The following ABCD2 variants were observed in gnomAD, a reference collection of about 807,000 sequenced individuals.
ABCD2 encodes ATP binding cassette subfamily D member 2, also known as ATP-binding cassette sub-family D member 2.
Under a neutral mutation model 70.9 loss-of-function variants are expected in ABCD2, and 36 were observed. The ratio of observed to expected loss-of-function variants is 0.51; its 90% CI spans 0.39 to 0.67. ABCD2 has a LOEUF of 0.67. Among genes scored for constraint, ABCD2 ranks in the 30% least tolerant of loss-of-function variants. The pLI is 0.00. For synonymous variants in ABCD2, 304 were observed against 306.9 expected, an observed-to-expected ratio of 0.99 and a Z score of 0.10; for missense variants, 729 against 890.2, an observed-to-expected ratio of 0.82 and a Z score of 2.30.
intron 9 of ABCD2, among the ~76,000 whole-genome samples, chr12:39,568,037 TTCTC>T (rs1034669937): frequency 1.9e-4 from 29 of 152,022 alleles, no homozygotes; most frequent in Non-Finnish European, 2.8e-4. Flanking sequence ...AACCCCACCT[TTCTC>T]TCTGGCTGCC....
At chr12:39,591,348 T>C (rs1383434686) in intron 6 of ABCD2, among the ~76,000 whole-genome samples, 2 of 152,190 alleles carry the variant, frequency 1.3e-5, no homozygotes, top group Admixed American at 6.5e-5. Context: ...GGATAAGATA[T>C]TTCTAGATTC....
chr12:39,618,215 G>T (rs1942143344), intron 1 of ABCD2, among the ~76,000 whole-genome samples: 1 of 152,012 alleles, frequency 6.6e-6, no homozygotes, highest in Non-Finnish European at 1.5e-5. Context: ...TCTTCTATAA[G>T]AAACCCTGGC....
the ABCD2 span, among the ~76,000 whole-genome samples, chr12:39,538,751 G>A: frequency 1.2e-4 from 19 of 152,350 alleles, no homozygotes; most frequent in African/African-American, 4.6e-4. Context: ...CGTCAACAGG[G>A]TGCGTCAGCA....
At chr12:39,600,936 T>C (rs1484169630) in intron 5 of ABCD2, among the ~76,000 whole-genome samples, 3 of 152,224 alleles carry the variant, frequency 2.0e-5, no homozygotes, top group Non-Finnish European at 4.4e-5. Flanking sequence ...AGAAAATGGA[T>C]CTTCTTGAAA....
At chr12:39,617,233 T>C in intron 1 of ABCD2, 65 bp from the exon 2 acceptor site, 3 of 1,084,672 alleles carry the variant, frequency 2.8e-6, no homozygotes, top group Non-Finnish European at 3.7e-6. Flanking sequence ...CTTTTTTTTT[T>C]TTAGTATGGC....
chr12:39,594,492 G>A (rs1336763677), intron 6 of ABCD2, among the ~76,000 whole-genome samples: 1 of 152,048 alleles, frequency 6.6e-6, no homozygotes, highest in Non-Finnish European at 1.5e-5. Flanking sequence ...ACATTCTCAG[G>A]ATAAAATCAA....
Position 39,619,293 on chromosome 12 carries a change from C to G in ABCD2, c.323G>C (p.Cys108Ser), listed in dbSNP as rs1177526076. ...KLVTTETGWL[C>S]LHSVALISRT... ...TGAGATTAGAGCCACTGAGTGCAGG[C>G]AGAGCCACCCTGTTTCAGTGGTCAC... The change falls in exon 1 of 10, where the codon TGC (cysteine) becomes TCC (serine). Residue 108 changes from cysteine to serine, a missense_variant. Cys to Ser is a moderately radical substitution (Grantham distance 112, BLOSUM62 -1). This residue lies in a region of ABCD2 where 245 missense variants were observed against 261.2 expected (regional missense o/e 0.94). Coordinates refer to ENST00000308666, the MANE Select transcript of ABCD2 (RefSeq NM_005164.4). 2.5e-6 allele frequency: 4 copies of G among 1,614,026 alleles called. No individual in the cohort carries two copies. Among genetic ancestry groups the G allele is most frequent in the Non-Finnish European group, 3.4e-6 (4 of 1,180,052 alleles).
Position 39,552,868 on chromosome 12 carries a change from G to A in ABCD2, c.*1044C>T, listed in dbSNP as rs550798303. Reference sequence around the variant, plus strand: ...CCAGAGAGTCAGGAGAACTTCATTTGATTTCTCGATCTTTCCTTAAGTAAA... The same window carrying A: ...CCAGAGAGTCAGGAGAACTTCATTTAATTTCTCGATCTTTCCTTAAGTAAA... On this transcript the variant is annotated 3_prime_UTR_variant, in exon 10 of 10. Transcript: ENST00000308666. The A allele has an allele frequency of 3.3e-5, 5 of 152,058 alleles. No homozygotes were observed. The South Asian group carries it at 1.0e-3, about 32-fold the overall frequency. 9.4% of individuals were successfully genotyped at this position (152,058 alleles called of 1,614,324 possible).
chr12:39,560,693 C>A (rs1009512539), intron 9 of ABCD2, among the ~76,000 whole-genome samples: 3 of 151,644 alleles, frequency 2.0e-5, no homozygotes, highest in Non-Finnish European at 2.9e-5. Flanking sequence ...ATTAAAAATT[C>A]AAAATGGGGA....
intron 9 of ABCD2, among the ~76,000 whole-genome samples, chr12:39,565,892 G>C (rs1176774561): frequency 6.6e-6 from 1 of 152,064 alleles, no homozygotes; most frequent in Non-Finnish European, 1.5e-5. Flanking sequence ...ATAATCTTAT[G>C]GTTTTTGTCA....
intron 2 of ABCD2, among the ~76,000 whole-genome samples, chr12:39,612,537 T>G (rs1291253109): frequency 6.6e-6 from 1 of 152,208 alleles, no homozygotes; most frequent in East Asian, 1.9e-4. Flanking sequence ...TACTTGATAG[T>G]GAGGTCATTA....
At chr12:39,564,037 T>C (rs1005028571) in intron 9 of ABCD2, among the ~76,000 whole-genome samples, 1 of 152,250 alleles carries the variant, frequency 6.6e-6, no homozygotes, top group Non-Finnish European at 1.5e-5. Flanking sequence ...TTGTTGGACA[T>C]TTGGCTTGAT....
At chr12:39,543,620 G>C in the ABCD2 span, among the ~76,000 whole-genome samples, 3 of 152,166 alleles carry the variant, frequency 2.0e-5, no homozygotes, top group Admixed American at 6.5e-5. Flanking sequence ...ATACAATCCA[G>C]GCTTTAGTAA....
At chr12:39,547,144 A>G (rs1422737233), downstream of ABCD2, among the ~76,000 whole-genome samples, 1 of 152,126 alleles carries the variant, frequency 6.6e-6, no homozygotes, top group Non-Finnish European at 1.5e-5. Flanking sequence ...GTGAGATATC[A>G]CATCATACTC....
intron 9 of ABCD2, among the ~76,000 whole-genome samples, chr12:39,569,738 G>A (rs1206440671): frequency 1.3e-5 from 2 of 152,158 alleles, no homozygotes. Flanking sequence ...GTTGTAGACT[G>A]GAGCTGTTCC....
chr12:39,564,941 G>C (rs1350293021), intron 9 of ABCD2, among the ~76,000 whole-genome samples: 2 of 152,286 alleles, frequency 1.3e-5, no homozygotes, highest in African/African-American at 4.8e-5. Context: ...GATGGTTGTA[G>C]ATATGCGGCA....
chr12:39,619,070 G>T lies in ABCD2; in HGVS notation c.546C>A (p.His182Gln), dbSNP rs35217341. ...GATTTGTAAAATAGGTTTCATAGGC[G>T]TGGTCTACTAGGCGAGTTCTGAAGG... ...ALAFRTRLVD[H>Q]AYETYFTNQT... The change falls in exon 1 of 10, where the codon CAC (histidine) becomes CAA (glutamine). Residue 182 changes from histidine (H) to glutamine (Q), a missense_variant. His to Gln is a conservative substitution (Grantham distance 24). Around this residue, in one of 3 missense-constraint regions of ABCD2, gnomAD observed 245 missense variants for 261.2 expected, o/e 0.94. Transcript: ENST00000308666. 6.2e-6 allele frequency: 10 copies of T among 1,614,166 alleles called. No individual in the cohort carries two copies. Among genetic ancestry groups the T allele is most frequent in the Non-Finnish European group, 8.5e-6 (10 of 1,180,020 alleles).
chr12:39,584,126 C>A (rs186640679), intron 7 of ABCD2, among the ~76,000 whole-genome samples: 2 of 152,266 alleles, frequency 1.3e-5, no homozygotes, highest in Non-Finnish European at 2.9e-5. Context: ...GATTTACACT[C>A]CCACCAACAG....
intron 4 of ABCD2, 133 bp from the exon 5 acceptor site, chr12:39,604,139 G>T: frequency 1.5e-6 from 1 of 652,342 alleles, no homozygotes; most frequent in Non-Finnish European, 2.5e-6. Context: ...AGAAACAAAT[G>T]TAAATATAGA....
Sources: allele counts gnomAD v4.1 joint callset (sites outside exome capture counted in the v4.1 genomes callset), GRCh38; gene constraint gnomAD v4.1.1; regional missense constraint gnomAD v4.1.1; transcripts MANE v1.5; gene names NCBI Gene and HGNC (gene_info 2026-07-23, HGNC 2026-07-21).